Variants in CNTNAP2 observed in about 807,000 individuals in gnomAD.
CNTNAP2 encodes contactin associated protein 2.
A neutral mutation model predicts 155.2 loss-of-function variants in CNTNAP2; 98 were observed. The ratio of observed to expected loss-of-function variants is 0.63; its 90% confidence interval spans 0.54 to 0.75. The LOEUF is 0.75. CNTNAP2 is among the 30% of genes least tolerant of loss of function. CNTNAP2 has a pLI of 0.00. For missense variants in CNTNAP2, 1,727 were observed against 1,688.1 expected (o/e 1.02, Z -0.40); for synonymous variants, 651 against 631.2 (o/e 1.03, Z -0.47).
chr7:146,710,843 G>T (rs1195699460), intron 1 of CNTNAP2, among the ~76,000 whole-genome samples: 1 of 152,118 alleles, frequency 6.6e-6, no homozygotes, highest in South Asian at 2.1e-4. Flanking sequence ...TTCAAGATAA[G>T]GGGCTAGTAC....
intron 8 of CNTNAP2, among the ~76,000 whole-genome samples, chr7:147,273,886 TTA>T (rs1411614993): frequency 5.4e-5 from 8 of 147,964 alleles, no homozygotes; most frequent in Non-Finnish European, 1.0e-4. Context: ...TATTATATAT[TTA>T]TATGTGTAAT....
chr7:147,580,283 C>T (rs1339366177), intron 12 of CNTNAP2, among the ~76,000 whole-genome samples: 1 of 152,206 alleles, frequency 6.6e-6, no homozygotes, highest in Non-Finnish European at 1.5e-5. Context: ...CCTGTGAGTT[C>T]TCTGTGCAAC....
chr7:146,938,440 T>G (rs1563011792), intron 3 of CNTNAP2, among the ~76,000 whole-genome samples: 1 of 150,456 alleles, frequency 6.6e-6, no homozygotes, highest in Non-Finnish European at 1.5e-5. Context: ...TATACATGTG[T>G]GTATACATAT....
chr7:146,563,153 T>C (rs1249391453), intron 1 of CNTNAP2, among the ~76,000 whole-genome samples: 1 of 152,214 alleles, frequency 6.6e-6, no homozygotes, highest in Non-Finnish European at 1.5e-5. Context: ...AGGAATACCC[T>C]GGGCAACACA....
chr7:147,426,209 G>A (rs981899317), intron 10 of CNTNAP2, among the ~76,000 whole-genome samples: 3 of 151,236 alleles, frequency 2.0e-5, no homozygotes, highest in African/African-American at 7.3e-5. Context: ...ATAAAAAAGA[G>A]CCTAAATAGA....
intron 13 of CNTNAP2, among the ~76,000 whole-genome samples, chr7:147,842,125 G>C (rs963236871): frequency 1.2e-4 from 18 of 152,052 alleles, no homozygotes; most frequent in African/African-American, 3.9e-4. Context: ...TAATTCATTT[G>C]CTCTTCACAA....
chr7:148,026,976 T>A (rs917442906), intron 15 of CNTNAP2, among the ~76,000 whole-genome samples: 1 of 152,126 alleles, frequency 6.6e-6, no homozygotes, highest in African/African-American at 2.4e-5. Context: ...TTGTTGTTTT[T>A]TTCTGAGCTT....
chr7:148,366,444 T>C (rs968308410), intron 21 of CNTNAP2, among the ~76,000 whole-genome samples: 3 of 152,148 alleles, frequency 2.0e-5, no homozygotes, highest in Non-Finnish European at 4.4e-5. Context: ...AGATACTCAA[T>C]AATTCCTTGT....
chr7:148,310,859 G>C (rs976937816), intron 21 of CNTNAP2, among the ~76,000 whole-genome samples: 22 of 152,160 alleles, frequency 1.4e-4, no homozygotes, highest in African/African-American at 5.3e-4. Flanking sequence ...CTGCGTAGAG[G>C]GGGAGGTTCG....
chr7:147,246,931 G>A (rs898600185), intron 8 of CNTNAP2, among the ~76,000 whole-genome samples: 6 of 152,128 alleles, frequency 3.9e-5, no homozygotes, highest in Non-Finnish European at 7.4e-5. Flanking sequence ...TTACAGTAAA[G>A]AACATAATCT....
At chr7:148,281,487 G>T (rs1796972497) in intron 21 of CNTNAP2, among the ~76,000 whole-genome samples, 1 of 152,168 alleles carries the variant, frequency 6.6e-6, no homozygotes, top group African/African-American at 2.4e-5. Flanking sequence ...TGATAGGTGA[G>T]AAATAATATT....
At chr7:148,355,489 T>C (rs1798498445) in intron 21 of CNTNAP2, among the ~76,000 whole-genome samples, 2 of 152,190 alleles carry the variant, frequency 1.3e-5, no homozygotes, top group Non-Finnish European at 2.9e-5. Context: ...GTCTGTTACT[T>C]ACTCAATATA....
chr7:146,603,187 C>T (rs933443410), intron 1 of CNTNAP2, among the ~76,000 whole-genome samples: 9 of 151,290 alleles, frequency 5.9e-5, no homozygotes, highest in East Asian at 5.8e-4. Flanking sequence ...CCAAGGCGGG[C>T]GGATCATGAG....
chr7:146,500,426 C>G (rs1797284492), intron 1 of CNTNAP2, among the ~76,000 whole-genome samples: 3 of 152,062 alleles, frequency 2.0e-5, no homozygotes, highest in Admixed American at 1.3e-4. Context: ...TATGAGAAAA[C>G]AGAAACTTAG....
chr7:147,259,697 C>T (rs374994163), intron 8 of CNTNAP2, among the ~76,000 whole-genome samples: 2 of 152,084 alleles, frequency 1.3e-5, no homozygotes, highest in Non-Finnish European at 2.9e-5. Context: ...ACAAGAGCAT[C>T]GTCTTAAAAG....
chr7:147,732,306 C>T (rs1007234071), intron 13 of CNTNAP2, among the ~76,000 whole-genome samples: 29 of 150,710 alleles, frequency 1.9e-4, no homozygotes, highest in Admixed American at 1.6e-3. Flanking sequence ...TCTGTCATTG[C>T]GATAGTTTGC....
intron 1 of CNTNAP2, among the ~76,000 whole-genome samples, chr7:146,375,354 G>T (rs1380543129): frequency 6.6e-6 from 1 of 152,198 alleles, no homozygotes; most frequent in African/African-American, 2.4e-5. Flanking sequence ...GCGGAGACCA[G>T]AGCAGACTCA....
chr7:147,871,422 T>C (rs549616048), intron 13 of CNTNAP2, among the ~76,000 whole-genome samples: 3 of 152,330 alleles, frequency 2.0e-5, no homozygotes, highest in Non-Finnish European at 4.4e-5. Flanking sequence ...GCTATTTCAT[T>C]TGAACTGTAA....
intron 3 of CNTNAP2, among the ~76,000 whole-genome samples, chr7:146,891,329 TG>T (rs1394636054): frequency 3.9e-5 from 6 of 152,162 alleles, no homozygotes; most frequent in South Asian, 2.1e-4. Flanking sequence ...TAGGATCATT[TG>T]TACCCCCAAC....
Sources: allele counts gnomAD v4.1 joint callset (sites outside exome capture counted in the v4.1 genomes callset), GRCh38; gene constraint gnomAD v4.1.1; transcripts MANE v1.5; gene names NCBI Gene and HGNC (gene_info 2026-07-23, HGNC 2026-07-21).